The following ELMO1 variants were observed in gnomAD, a reference collection of about 807,000 sequenced individuals.
ELMO1 encodes the protein engulfment and cell motility protein 1.
ELMO1 carries 26 observed loss-of-function variants against 98.9 expected under a neutral mutation model. The ratio of observed to expected loss-of-function variants is 0.26; its 90% CI spans 0.19 to 0.36. The LOEUF is 0.36. Among genes scored for constraint, ELMO1 ranks in the 10% least tolerant of loss-of-function variants. ELMO1 has a pLI of 1.00. For synonymous variants in ELMO1, 346 were observed against 346.0 expected, an observed-to-expected ratio of 1.00 and a Z score of 0.00; for missense variants, 627 against 935.2, an observed-to-expected ratio of 0.67 and a Z score of 4.30.
chr7:37,437,598 T>C (rs1472959726), intron 1 of ELMO1, among the ~76,000 whole-genome samples: 1 of 152,260 alleles, frequency 6.6e-6, no homozygotes, highest in Non-Finnish European at 1.5e-5. Context: ...ATCAGGCTAA[T>C]GAACATATCT....
At chr7:37,366,968 T>C (rs1801926296) in intron 1 of ELMO1, among the ~76,000 whole-genome samples, 1 of 150,648 alleles carries the variant, frequency 6.6e-6, no homozygotes, top group South Asian at 2.1e-4. Context: ...TATACTTACA[T>C]AGTTTCATCA....
intron 6 of ELMO1, among the ~76,000 whole-genome samples, chr7:37,249,139 T>C (rs1250087915): frequency 6.6e-6 from 1 of 152,194 alleles, no homozygotes; most frequent in Non-Finnish European, 1.5e-5. Flanking sequence ...TAATTCAAGC[T>C]ATACCTCAGT....
chr7:36,987,828 G>A (rs1004683353), intron 16 of ELMO1, among the ~76,000 whole-genome samples: 3 of 152,080 alleles, frequency 2.0e-5, no homozygotes, highest in African/African-American at 7.2e-5. Flanking sequence ...TGTGATCTCG[G>A]CTCACTGCAA....
intron 1 of ELMO1, among the ~76,000 whole-genome samples, chr7:37,351,654 C>G (rs1779379105): frequency 6.6e-6 from 1 of 152,186 alleles, no homozygotes; most frequent in South Asian, 2.1e-4. Flanking sequence ...CTAATAAATT[C>G]CTCATTACGC....
intron 15 of ELMO1, among the ~76,000 whole-genome samples, chr7:37,036,548 A>T (rs1368428105): frequency 6.6e-6 from 1 of 151,972 alleles, no homozygotes; most frequent in African/African-American, 2.4e-5. Flanking sequence ...AATTTTTAAA[A>T]TTTTTTATTT....
rs1805880461 is a variant in ELMO1 at position 36,895,001 on chromosome 7, T to G, written c.1454A>C (p.Lys485Thr). 2 of 1,613,714 alleles carry G rather than the reference T, an allele frequency of 1.2e-6. No individual in the cohort carries two copies. The highest frequency in any genetic ancestry group is 1.7e-6 in the Non-Finnish European group (2 of 1,179,940). Residue 485 changes from lysine (K) to threonine (T), a missense_variant, in exon 17 of 22, where the codon AAG becomes ACG. Transcript: ENST00000310758. The part of the protein sequence containing the change: ...EDFNKVMQVV[K>T]EQVMRALTTK... ...TGTAAGTGCTCTCATAACCTGCTCC[T>G]TCACCACCTGCATTACCTGAAGATG...
chr7:37,013,580 G>T, intron 15 of ELMO1, 145 bp from the exon 16 acceptor site: 1 of 938,186 alleles, frequency 1.1e-6, no homozygotes. Flanking sequence ...TTTGAAAAAA[G>T]CAACCAAAGG....
intron 1 of ELMO1, among the ~76,000 whole-genome samples, chr7:37,359,504 C>G (rs1801617190): frequency 6.6e-6 from 1 of 152,150 alleles, no homozygotes; most frequent in South Asian, 2.1e-4. Flanking sequence ...GTGCCAGGTA[C>G]CCTATTAAAG....
At chr7:37,046,723 T>C (rs772180376) in intron 15 of ELMO1, among the ~76,000 whole-genome samples, 22 of 152,226 alleles carry the variant, frequency 1.4e-4, no homozygotes, top group Non-Finnish European at 2.8e-4. Flanking sequence ...AATGTGTATC[T>C]TGCATCAGAT....
chr7:37,076,491 C>T (rs2129230275), intron 15 of ELMO1, among the ~76,000 whole-genome samples: 1 of 152,330 alleles, frequency 6.6e-6, no homozygotes. Flanking sequence ...AAGGGAAAAA[C>T]AACACAGTCA....
intron 5 of ELMO1, among the ~76,000 whole-genome samples, chr7:37,264,580 T>G (rs1584891535): frequency 6.6e-6 from 1 of 152,190 alleles, no homozygotes; most frequent in Non-Finnish European, 1.5e-5. Context: ...CCAGCACACA[T>G]GAAAAGAATC....
At chr7:37,218,525 G>A (rs1793421519) in intron 10 of ELMO1, among the ~76,000 whole-genome samples, 1 of 152,012 alleles carries the variant, frequency 6.6e-6, no homozygotes, top group Non-Finnish European at 1.5e-5. Context: ...TCCATTTTTT[G>A]GTCTAATAGT....
At chr7:36,927,155 C>A (rs1234484610) in intron 16 of ELMO1, among the ~76,000 whole-genome samples, 1 of 151,974 alleles carries the variant, frequency 6.6e-6, no homozygotes, top group Non-Finnish European at 1.5e-5. Context: ...ACTATTATTC[C>A]CATTTTACAG....
At chr7:36,958,754 G>C (rs1303717462) in intron 16 of ELMO1, among the ~76,000 whole-genome samples, 4 of 151,854 alleles carry the variant, frequency 2.6e-5, no homozygotes, top group African/African-American at 9.7e-5. Context: ...CACCTCCTCA[G>C]TCTCCCTTGC....
At chr7:37,431,145 TG>T (rs1804914115) in intron 1 of ELMO1, among the ~76,000 whole-genome samples, 1 of 152,138 alleles carries the variant, frequency 6.6e-6, no homozygotes, top group Non-Finnish European at 1.5e-5. Context: ...GAGACCAGCA[TG>T]GGCAACATAG....
intron 15 of ELMO1, among the ~76,000 whole-genome samples, chr7:37,045,642 G>GT (rs1046217176): frequency 2.6e-5 from 4 of 151,968 alleles, no homozygotes; most frequent in African/African-American, 9.7e-5. Flanking sequence ...GGAAGAAGAG[G>GT]TTTTTTAAAA....
chr7:36,984,263 A>G (rs1791327976), intron 16 of ELMO1, among the ~76,000 whole-genome samples: 1 of 152,230 alleles, frequency 6.6e-6, no homozygotes. Context: ...CAATGTATCC[A>G]GCCATCTGGA....
intron 1 of ELMO1, among the ~76,000 whole-genome samples, chr7:37,410,779 A>G (rs1284826866): frequency 6.6e-6 from 1 of 152,220 alleles, no homozygotes; most frequent in Non-Finnish European, 1.5e-5. Flanking sequence ...GAAACAAAAA[A>G]CAGTGGGTTT....
chr7:37,390,609 G>A (rs980353099), intron 1 of ELMO1, among the ~76,000 whole-genome samples: 5 of 152,092 alleles, frequency 3.3e-5, no homozygotes, highest in African/African-American at 7.2e-5. Context: ...GGTCCCCTAG[G>A]TTAGGACTCA....
Sources: gnomAD v4.1 joint callset for allele counts (sites outside exome capture counted in the v4.1 genomes callset) on GRCh38, gnomAD v4.1.1 for gene constraint, MANE v1.5 for transcripts, NCBI Gene and HGNC (gene_info 2026-07-23, HGNC 2026-07-21) for gene names.